Variants in SSBP3 observed in about 807,000 individuals in gnomAD.
The protein encoded by SSBP3 is single-stranded DNA-binding protein 3.
In SSBP3, 5 loss-of-function variants were observed where a neutral mutation model predicts 69.6. That is an observed-to-expected ratio of 0.07 (90% CI 0.04 to 0.15). The LOEUF (loss-of-function observed/expected upper bound fraction) is 0.15. SSBP3 is among the 10% of genes least tolerant of loss of function. SSBP3 has a pLI of 1.00. For missense variants in SSBP3, 312 were observed against 534.0 expected (o/e 0.58, Z 4.10); for synonymous variants, 196 against 193.4 (o/e 1.01, Z -0.11).
intron 4 of SSBP3, among the ~76,000 whole-genome samples, chr1:54,375,093 G>A (rs577338156): frequency 3.9e-5 from 6 of 152,264 alleles, no homozygotes; most frequent in Non-Finnish European, 7.4e-5. Context: ...CATGCTACCC[G>A]TCTTCTCCAC....
intron 4 of SSBP3, among the ~76,000 whole-genome samples, chr1:54,289,020 C>CAAAAAAAAAAAAAAAAAAA: frequency 2.3e-5 from 1 of 43,918 alleles, no homozygotes; most frequent in Admixed American, 3.5e-4. Flanking sequence ...ACTCTGTCTC[C>CAAAAAAAAAAAAAAAAAAA]AAAAAAAAAA....
At position 54,258,224 on chromosome 1, in the gene SSBP3, A is replaced by G. The variant is rs1482730871; in HGVS notation, c.367-75T>C. 3 of 1,330,260 alleles carry G rather than the reference A, an allele frequency of 2.3e-6. No individual in the cohort carries two copies. The African/African-American group carries it at 4.5e-5, about 20-fold the overall frequency. 82.4% of individuals were successfully genotyped at this position (1,330,260 alleles called of 1,614,324 possible). A position where few individuals can be genotyped will look rare whatever the true frequency, so the allele number is the denominator to read the frequency against. On this transcript the variant is annotated intron_variant, in intron 5 of 17. Transcript: ENST00000610401. The surrounding 1 kb of genome is among the most constrained non-coding windows in gnomAD (Gnocchi z 4.5). ...AGCGCAGAAGCAGCTTAAAAGAACA[A>G]AAATTAAACCAAAACGAAGGGTGGG...
intron 4 of SSBP3, among the ~76,000 whole-genome samples, chr1:54,300,642 T>C (rs1432557445): frequency 6.6e-6 from 1 of 152,242 alleles, no homozygotes; most frequent in East Asian, 1.9e-4. Context: ...TCAGACACCA[T>C]CTGTTATTTT....
chr1:54,362,846 C>T (rs1440807258), intron 4 of SSBP3, among the ~76,000 whole-genome samples: 1 of 152,132 alleles, frequency 6.6e-6, no homozygotes, highest in Non-Finnish European at 1.5e-5. Flanking sequence ...TGTTGTTTTA[C>T]CCCTCGTTTT....
chr1:54,403,592 G>C (rs1199789036), intron 3 of SSBP3, among the ~76,000 whole-genome samples: 1 of 152,102 alleles, frequency 6.6e-6, no homozygotes, highest in East Asian at 1.9e-4. Flanking sequence ...CTCTGCACAA[G>C]TTAGAACAGA....
At chr1:54,323,735 C>T (rs1000288166) in intron 4 of SSBP3, among the ~76,000 whole-genome samples, 1 of 152,142 alleles carries the variant, frequency 6.6e-6, no homozygotes, top group Non-Finnish European at 1.5e-5. Context: ...AGGACTGACC[C>T]AGAAGGAGCA....
intron 4 of SSBP3, among the ~76,000 whole-genome samples, chr1:54,329,385 C>T (rs1646368011): frequency 6.6e-6 from 1 of 152,232 alleles, no homozygotes; most frequent in Non-Finnish European, 1.5e-5. Flanking sequence ...AGGGACAAAA[C>T]CTCTTCCTTT....
chr1:54,299,055 T>A (rs1645753572), intron 4 of SSBP3, among the ~76,000 whole-genome samples: 1 of 151,816 alleles, frequency 6.6e-6, no homozygotes, highest in Non-Finnish European at 1.5e-5. Flanking sequence ...GGGGGTTCAG[T>A]CCCACTGAGG....
chr1:54,227,181 AGGGGG>A, intron 17 of SSBP3, 21 bp from the exon 18 acceptor site: 50 of 524,810 alleles, frequency 9.5e-5, no homozygotes, highest in Non-Finnish European at 1.4e-4. Context: ...GAAGCAGAGA[AGGGGG>A]GGGGGTGAGG....
At chr1:54,303,388 G>A (rs1202843457) in intron 4 of SSBP3, among the ~76,000 whole-genome samples, 2 of 152,084 alleles carry the variant, frequency 1.3e-5, no homozygotes, top group African/African-American at 4.8e-5. Context: ...CCAGGGGGCA[G>A]GGGGCAGGCC....
intron 5 of SSBP3, among the ~76,000 whole-genome samples, chr1:54,278,567 T>A (rs1645333024): frequency 6.6e-6 from 1 of 152,238 alleles, no homozygotes; most frequent in Admixed American, 6.5e-5. Flanking sequence ...AGGCCCTGTG[T>A]TGCTTACCGA....
At chr1:54,266,814 ACACC>A (rs931341043) in intron 5 of SSBP3, among the ~76,000 whole-genome samples, 1 of 152,190 alleles carries the variant, frequency 6.6e-6, no homozygotes, top group African/African-American at 2.4e-5. Context: ...TGTCACACCA[ACACC>A]CTCCATGCTC....
At chr1:54,320,628 GT>G (rs1223822769) in intron 4 of SSBP3, among the ~76,000 whole-genome samples, 1 of 152,182 alleles carries the variant, frequency 6.6e-6, no homozygotes, top group Non-Finnish European at 1.5e-5. Flanking sequence ...CACCAGAAAA[GT>G]TTTAAGTTAA....
rs563144822 is a variant in SSBP3, at chr1:54,321,149, C to T, written c.277-39622G>A. On this transcript the variant is annotated intron_variant, in intron 4 of 17. Coordinates refer to ENST00000610401, the Ensembl canonical transcript of SSBP3. Reference sequence around the variant, plus strand: ...GAGGATGCTGTGACAAAGGCACTGACCCTGGAGAGACAGGAGATGCTGTGA... The same window carrying T: ...GAGGATGCTGTGACAAAGGCACTGATCCTGGAGAGACAGGAGATGCTGTGA... 3.9e-4 allele frequency among the ~76,000 whole-genome samples: 60 copies of T among 152,326 alleles called. No individual in the cohort carries two copies. The South Asian group carries it at 6.6e-3, about 17-fold the overall frequency.
chr1:54,380,661 C>T (rs1198143927), intron 4 of SSBP3, among the ~76,000 whole-genome samples: 1 of 152,168 alleles, frequency 6.6e-6, no homozygotes, highest in African/African-American at 2.4e-5. Context: ...GACAAACTCG[C>T]TGACTCACCG....
rs1647093428 is a variant in SSBP3 at position 54,369,682 on chromosome 1, T to C, written c.276+32179A>G. ...GAGAACTTCAAACTCAACCTCCACC[T>C]CAAACCTGGTGTACGAAGACGCTCA... On this transcript the variant is annotated intron_variant, in intron 4 of 17. Transcript: ENST00000610401. Among the ~76,000 whole-genome samples, 4 of 133,350 alleles carry C rather than the reference T, an allele frequency of 3.0e-5. No homozygotes were observed. The South Asian group carries it at 9.1e-4, about 30-fold the overall frequency. 87.5% of individuals were successfully genotyped at this position (133,350 alleles called of 152,430 possible). A position where few individuals can be genotyped will look rare whatever the true frequency, so the allele number is the denominator to read the frequency against.
At chr1:54,234,448 T>TGTG (rs1394926129) in intron 14 of SSBP3, among the ~76,000 whole-genome samples, 20 of 151,656 alleles carry the variant, frequency 1.3e-4, no homozygotes, top group Admixed American at 1.3e-3. Context: ...ATTAGCCGGG[T>TGTG]GTGGTGGCAC....
intron 4 of SSBP3, among the ~76,000 whole-genome samples, chr1:54,303,084 T>C (rs532528827): frequency 5.3e-5 from 8 of 152,326 alleles, no homozygotes; most frequent in South Asian, 2.1e-4. Flanking sequence ...GTACACGCTG[T>C]ACAACACAAT....
At chr1:54,381,478 A>G (rs1647651636) in intron 4 of SSBP3, among the ~76,000 whole-genome samples, 1 of 151,976 alleles carries the variant, frequency 6.6e-6, no homozygotes, top group Admixed American at 6.6e-5. Flanking sequence ...GTTTCCAATA[A>G]CCAATTTTTA....
Sources: gnomAD v4.1 joint callset for allele counts (sites outside exome capture counted in the v4.1 genomes callset) on GRCh38, gnomAD v4.1.1 for gene constraint, Gnocchi (gnomAD v3.1) non-coding constraint, MANE v1.5 for transcripts, NCBI Gene and HGNC (gene_info 2026-07-23, HGNC 2026-07-21) for gene names.